The following DOCK4 variants were observed in gnomAD, a reference collection of about 807,000 sequenced individuals.
DOCK4 encodes dedicator of cytokinesis protein 4.
In DOCK4, 97 loss-of-function variants were observed where a neutral mutation model predicts 268.1. That is an observed-to-expected ratio of 0.36 (90% CI 0.31 to 0.43). The LOEUF is 0.43. Ranked by LOEUF, DOCK4 falls within the 20% of genes least tolerant of loss-of-function variation. The pLI is 1.00. For missense variants in DOCK4, 2,145 were observed against 2,455.7 expected (o/e 0.87, Z 2.67); for synonymous variants, 954 against 887.2 (o/e 1.08, Z -1.34).
At chr7:112,018,179 A>C (rs59430725) in intron 1 of DOCK4, among the ~76,000 whole-genome samples, 16,158 of 72,540 alleles carry the variant, frequency 0.22, 4,063 homozygotes, top group Non-Finnish European at 0.27. Context: ...AAAAAAAAAA[A>C]ACACAGGCAA....
chr7:111,989,311 G>A (rs2074129), intron 5 of DOCK4, 148 bp from the exon 6 acceptor site: 344,442 of 1,006,116 alleles, frequency 0.34, 61,878 homozygotes, highest in African/African-American at 0.47. Context: ...CAAACTGTTC[G>A]CTCACTATCC....
intron 1 of DOCK4, among the ~76,000 whole-genome samples, chr7:112,051,297 G>A (rs1447969129): frequency 6.6e-6 from 1 of 152,092 alleles, no homozygotes; most frequent in Non-Finnish European, 1.5e-5. Context: ...CAGAGGATGA[G>A]GATGAGGTAG....
At chr7:112,179,292 G>A (rs1023077746) in intron 1 of DOCK4, among the ~76,000 whole-genome samples, 5 of 151,836 alleles carry the variant, frequency 3.3e-5, no homozygotes, top group Non-Finnish European at 7.4e-5. Flanking sequence ...GAACTGAGGT[G>A]GGAGGATCAC....
chr7:111,919,185 G>A (rs1209486303), intron 12 of DOCK4, among the ~76,000 whole-genome samples: 1 of 152,150 alleles, frequency 6.6e-6, no homozygotes, highest in African/African-American at 2.4e-5. Context: ...GTACTTTACA[G>A]AGGATAAGAC....
intron 42 of DOCK4, among the ~76,000 whole-genome samples, chr7:111,755,077 G>C (rs994224890): frequency 6.6e-6 from 1 of 152,110 alleles, no homozygotes; most frequent in Non-Finnish European, 1.5e-5. Context: ...GTGATCTTTG[G>C]CAAAGGCTTT....
chr7:111,727,009 G>A lies in DOCK4; in HGVS notation c.*1265C>T, dbSNP rs1022865356. The A allele has an allele frequency of 6.6e-6, 1 of 152,598 alleles. No homozygotes were observed. The highest frequency in any genetic ancestry group is 2.4e-5 in the African/African-American group (1 of 41,442). 9.5% of individuals were successfully genotyped at this position (152,598 alleles called of 1,614,324 possible). A position where few individuals can be genotyped will look rare whatever the true frequency, so the allele number is the denominator to read the frequency against. ...AAAGAGGGAAAATATTTAACAGTATGATTTAAAATACAGTTCATATCTATT... is the reference window on the plus strand; with the variant it reads ...AAAGAGGGAAAATATTTAACAGTATAATTTAAAATACAGTTCATATCTATT... On this transcript the variant is annotated 3_prime_UTR_variant, in exon 53 of 53. Transcript: ENST00000428084.
chr7:111,732,409 A>AG, intron 51 of DOCK4, 122 bp from the exon 52 acceptor site: 1 of 966,352 alleles, frequency 1.0e-6, no homozygotes, highest in Non-Finnish European at 1.6e-6. Flanking sequence ...TTCTAAGCAA[A>AG]GGGGGTGGTG....
chr7:112,200,728 A>AAAAAAT lies in DOCK4; in HGVS notation c.37+5373_37+5374insATTTTT, dbSNP rs1459304594. 2.8e-4 allele frequency among the ~76,000 whole-genome samples: 34 copies of AAAAAAT among 119,588 alleles called. No homozygotes were observed. The South Asian group carries it at 7.8e-3, about 27-fold the overall frequency. The allele number at this position is 119,588 out of a possible 152,430, so 78.5% of individuals were successfully genotyped here. ...GCTACCATAACAGCCTCTAAAATAAAAAAAAAAAAACAAAAAAAAACAAGA... is the reference window on the plus strand; with the variant it reads ...GCTACCATAACAGCCTCTAAAATAAAAAAAATAAAAAAAAAACAAAAAAAAACAAGA... On this transcript the variant is annotated intron_variant, in intron 1 of 52. Coordinates refer to ENST00000428084, the MANE Select transcript of DOCK4 (RefSeq NM_001363540.2).
At chr7:112,144,766 C>G (rs2116317485) in intron 1 of DOCK4, among the ~76,000 whole-genome samples, 1 of 152,318 alleles carries the variant, frequency 6.6e-6, no homozygotes, top group South Asian at 2.1e-4. Context: ...TAACTACACT[C>G]TGCACACCAA....
At chr7:111,799,091 T>C (rs1025171194) in intron 30 of DOCK4, among the ~76,000 whole-genome samples, 1 of 152,146 alleles carries the variant, frequency 6.6e-6, no homozygotes, top group Non-Finnish European at 1.5e-5. Flanking sequence ...GCTTCTAATC[T>C]AGGAAGGCTC....
At chr7:112,077,680 T>TG (rs1203078903) in intron 1 of DOCK4, among the ~76,000 whole-genome samples, 1 of 152,102 alleles carries the variant, frequency 6.6e-6, no homozygotes, top group African/African-American at 2.4e-5. Context: ...CGTGTGTGTG[T>TG]TTTTTAACAT....
intron 1 of DOCK4, among the ~76,000 whole-genome samples, chr7:112,134,874 A>G (rs1272553664): frequency 6.6e-6 from 1 of 152,214 alleles, no homozygotes; most frequent in Non-Finnish European, 1.5e-5. Flanking sequence ...AATGAGGCAT[A>G]TTCCATTTCT....
chr7:112,097,196 G>A (rs1810225055), intron 1 of DOCK4, among the ~76,000 whole-genome samples: 1 of 152,118 alleles, frequency 6.6e-6, no homozygotes, highest in Non-Finnish European at 1.5e-5. Context: ...AAACTTCCTT[G>A]GCTAAGAAAA....
intron 1 of DOCK4, among the ~76,000 whole-genome samples, chr7:112,127,948 G>C (rs1191823281): frequency 2.6e-5 from 4 of 152,192 alleles, no homozygotes; most frequent in Admixed American, 2.6e-4. Flanking sequence ...AGAATTGCTT[G>C]AACCCGGGAG....
intron 41 of DOCK4, among the ~76,000 whole-genome samples, chr7:111,756,539 A>AT (rs1397214800): frequency 2.3e-5 from 2 of 85,400 alleles, no homozygotes; most frequent in African/African-American, 7.6e-5. Context: ...GCAAATCTGT[A>AT]TTTTAGAGCC....
rs139845081 is a variant in DOCK4, at chr7:111,899,923, C to T, written c.1480+451G>A. On this transcript the variant is annotated intron_variant, in intron 15 of 52. Transcript: ENST00000428084. The stretch of plus-strand genomic sequence containing the variant: ...TGGGCAACAGAGTGAGGCTTTGCTT[C>T]GAAACAAAACAAAAAAATCTGTAAA... 2.2e-3 allele frequency among the ~76,000 whole-genome samples: 329 copies of T among 152,206 alleles called. 5 individuals carry two copies. The highest frequency in any genetic ancestry group is 7.4e-3 in the African/African-American group (306 of 41,520).
Position 112,018,143 on chromosome 7 carries a change from C to CAAAAAAAAAAAAAAAAAAAAAA in DOCK4, c.38-14034_38-14013dup, listed in dbSNP as rs140883588. Among the ~76,000 whole-genome samples, 17 of 20,640 alleles carry CAAAAAAAAAAAAAAAAAAAAAA rather than the reference C, an allele frequency of 8.2e-4. 3 individuals are homozygous for CAAAAAAAAAAAAAAAAAAAAAA. Among genetic ancestry groups the CAAAAAAAAAAAAAAAAAAAAAA allele is most frequent in the Non-Finnish European group, 1.0e-3 (13 of 12,462 alleles). The allele number at this position is 20,640 out of a possible 152,430, so 13.5% of individuals were successfully genotyped here. ...TGGGCAACACAGCAAGACTCCAGCT[C>CAAAAAAAAAAAAAAAAAAAAAA]AAAAAAAAAAAAAAAAAAAAAAAAA... On this transcript the variant is annotated intron_variant, in intron 1 of 52. Transcript: ENST00000428084.
intron 15 of DOCK4, among the ~76,000 whole-genome samples, chr7:111,897,466 T>C (rs1471528306): frequency 3.9e-5 from 6 of 152,064 alleles, no homozygotes; most frequent in Non-Finnish European, 8.8e-5. Flanking sequence ...CTAAACTTAC[T>C]ACCTAGGAAC....
intron 30 of DOCK4, among the ~76,000 whole-genome samples, chr7:111,805,454 G>A (rs1387279162): frequency 6.6e-6 from 1 of 152,106 alleles, no homozygotes; most frequent in Non-Finnish European, 1.5e-5. Flanking sequence ...TGTAATTTTA[G>A]AATTATAAAA....
Sources: gnomAD v4.1 joint callset for allele counts (sites outside exome capture counted in the v4.1 genomes callset) on GRCh38, gnomAD v4.1.1 for gene constraint, MANE v1.5 for transcripts, NCBI Gene and HGNC (gene_info 2026-07-23, HGNC 2026-07-21) for gene names.